The following PBX3 variants were observed in gnomAD, a reference collection of about 807,000 sequenced individuals.
The protein encoded by PBX3 is PBX homeobox 3, also known as pre-B-cell leukemia transcription factor 3.
Under a neutral mutation model 48.5 loss-of-function variants are expected in PBX3, and 14 were observed. That is an observed-to-expected ratio of 0.29 (90% CI 0.19 to 0.45). The LOEUF is 0.45. Ranked by LOEUF, PBX3 falls within the 20% of genes least tolerant of loss-of-function variation. PBX3 has a pLI of 1.00. For missense variants in PBX3, 386 were observed against 546.7 expected (o/e 0.71, Z 2.93); for synonymous variants, 210 against 200.3 (o/e 1.05, Z -0.41).
At chr9:125,879,864 G>T (rs1588252960) in intron 2 of PBX3, among the ~76,000 whole-genome samples, 1 of 152,200 alleles carries the variant, frequency 6.6e-6, no homozygotes, top group South Asian at 2.1e-4. Flanking sequence ...ATAGCTAAAT[G>T]ATTATCAGTC....
At position 125,960,692 on chromosome 9, in the gene PBX3, T is replaced by C. The variant is rs141969948; in HGVS notation, c.852T>C (p.Asn284=). The C allele has an allele frequency of 9.3e-6, 15 of 1,614,056 alleles. No homozygotes were observed. The highest frequency in any genetic ancestry group is 1.2e-5 in the Non-Finnish European group (14 of 1,180,016). The change falls in exon 6 of 9, where the codon AAT becomes AAC. Residue 284 remains asparagine (N), a synonymous_variant. Transcript: ENST00000373489. Reference sequence around the variant, plus strand: ...GTCCCTGCAATTTGTAGGTATCCAATTGGTTTGGCAACAAACGAATCAGGT... The same window carrying C: ...GTCCCTGCAATTTGTAGGTATCCAACTGGTTTGGCAACAAACGAATCAGGT... ...KCSITVSQVS[N]WFGNKRIRYK... is the part of the protein sequence containing the mutation.
rs531345955 is a variant in PBX3, at chr9:125,860,673, C to T, written c.275-55013C>T. Among the ~76,000 whole-genome samples, 26 of 151,458 alleles carry T rather than the reference C, an allele frequency of 1.7e-4. No homozygotes were observed. In the South Asian group the frequency reaches 5.4e-3, roughly 32 times the overall value. ...TGAGAGGCTGAGGCAGGCAGATCAC[C>T]TGAGGTTAGGAGTTCAAGACCAGCC... On this transcript the variant is annotated intron_variant, in intron 2 of 8. Transcript: ENST00000373489.
At chr9:125,891,425 T>TG (rs1554724734) in intron 2 of PBX3, among the ~76,000 whole-genome samples, 10 of 152,350 alleles carry the variant, frequency 6.6e-5, no homozygotes, top group Non-Finnish European at 1.5e-5. Context: ...TTCAGTCAAA[T>TG]GGACAGTATT....
At chr9:125,947,992 C>T (rs548113207) in intron 5 of PBX3, among the ~76,000 whole-genome samples, 3 of 152,248 alleles carry the variant, frequency 2.0e-5, no homozygotes, top group South Asian at 2.1e-4. Context: ...AACAAGCAGA[C>T]ACATACATAT....
chr9:125,922,254 A>G (rs146411661), intron 3 of PBX3, among the ~76,000 whole-genome samples: 288 of 152,316 alleles, frequency 1.9e-3, no homozygotes, highest in Middle Eastern at 6.8e-3. Flanking sequence ...AGAAAGGAAA[A>G]AATGGGAAAG....
chr9:125,949,558 A>G (rs896972187), intron 5 of PBX3: 15 of 1,318,702 alleles, frequency 1.1e-5, no homozygotes, highest in Middle Eastern at 2.2e-4. Context: ...CTTTACTCCA[A>G]AAATGCATGA....
chr9:125,863,364 C>G (rs1482754566), intron 2 of PBX3, among the ~76,000 whole-genome samples: 1 of 152,046 alleles, frequency 6.6e-6, no homozygotes, highest in African/African-American at 2.4e-5. Context: ...CCACCACACT[C>G]AGCTATTTCT....
chr9:125,833,694 A>C (rs1356880464), intron 2 of PBX3, among the ~76,000 whole-genome samples: 1 of 152,270 alleles, frequency 6.6e-6, no homozygotes, highest in Non-Finnish European at 1.5e-5. Flanking sequence ...TTTACTTTCT[A>C]GGAACTTTTT....
intron 2 of PBX3, among the ~76,000 whole-genome samples, chr9:125,898,374 C>A (rs1026623730): frequency 2.0e-5 from 3 of 151,226 alleles, no homozygotes; most frequent in African/African-American, 4.9e-5. Flanking sequence ...AATAATGATT[C>A]CCATTTGCTT....
intron 3 of PBX3, among the ~76,000 whole-genome samples, chr9:125,921,245 T>C (rs1038434145): frequency 3.9e-5 from 6 of 152,244 alleles, no homozygotes; most frequent in Admixed American, 3.3e-4. Flanking sequence ...TACTAGTTTA[T>C]TGGCTCTATG....
At chr9:125,781,152 T>G (rs1837295615) in intron 2 of PBX3, among the ~76,000 whole-genome samples, 2 of 150,700 alleles carry the variant, frequency 1.3e-5, no homozygotes, top group Non-Finnish European at 1.5e-5. Context: ...TCGGCACTTT[T>G]GGAGGCCAAG....
intron 2 of PBX3, among the ~76,000 whole-genome samples, chr9:125,844,129 T>G (rs12346728): frequency 0.07 from 10,665 of 152,106 alleles, 1,174 homozygotes; most frequent in African/African-American, 0.24. Flanking sequence ...AAAATAGGTT[T>G]TCTGTTAGGA....
At chr9:125,953,410 G>C (rs1170328132) in intron 5 of PBX3, among the ~76,000 whole-genome samples, 1 of 151,846 alleles carries the variant, frequency 6.6e-6, no homozygotes, top group Non-Finnish European at 1.5e-5. Context: ...CTGGGAGGTT[G>C]AGGCTGTGGT....
At chr9:125,838,524 G>T (rs1839202985) in intron 2 of PBX3, among the ~76,000 whole-genome samples, 1 of 152,162 alleles carries the variant, frequency 6.6e-6, no homozygotes, top group African/African-American at 2.4e-5. Flanking sequence ...TAGACAAGAA[G>T]ATTTGGACTG....
intron 2 of PBX3, among the ~76,000 whole-genome samples, chr9:125,848,013 G>C (rs1839473186): frequency 6.6e-6 from 1 of 152,004 alleles, no homozygotes; most frequent in African/African-American, 2.4e-5. Flanking sequence ...AGGGTAGGCT[G>C]ACCTAGAGTC....
chr9:125,844,454 G>A (rs1212704970), intron 2 of PBX3: 1 of 151,952 alleles, frequency 6.6e-6, no homozygotes, highest in Non-Finnish European at 1.5e-5. Flanking sequence ...ATGTAAGCTA[G>A]CATTCTTTGA....
intron 2 of PBX3, among the ~76,000 whole-genome samples, chr9:125,840,440 C>T (rs1839258769): frequency 6.7e-6 from 1 of 149,644 alleles, no homozygotes; most frequent in African/African-American, 2.5e-5. Flanking sequence ...TTTTTCTGGC[C>T]TTTTCTGCTT....
chr9:125,901,375 T>G (rs142734579), intron 2 of PBX3, among the ~76,000 whole-genome samples: 34 of 151,860 alleles, frequency 2.2e-4, no homozygotes, highest in African/African-American at 7.9e-4. Flanking sequence ...TATACAATAA[T>G]CTTAGTAGAT....
intron 2 of PBX3, among the ~76,000 whole-genome samples, chr9:125,790,835 T>C (rs1229106713): frequency 6.6e-6 from 1 of 152,128 alleles, no homozygotes; most frequent in Non-Finnish European, 1.5e-5. Flanking sequence ...ATTATAGGTG[T>C]GAGCCACCGT....
Sources: allele counts gnomAD v4.1 joint callset (sites outside exome capture counted in the v4.1 genomes callset), GRCh38; gene constraint gnomAD v4.1.1; transcripts MANE v1.5; gene names NCBI Gene and HGNC (gene_info 2026-07-23, HGNC 2026-07-21).